TDRD1: variants seen among roughly 807,000 people sequenced by gnomAD.
TDRD1 encodes the protein tudor domain-containing protein 1.
Under a neutral mutation model 140.6 loss-of-function variants are expected in TDRD1, and 37 were observed. That is an observed-to-expected ratio of 0.26 (90% CI 0.20 to 0.35). The LOEUF (loss-of-function observed/expected upper bound fraction) is 0.35, where lower values mean the gene tolerates loss of function less well. TDRD1 is among the 10% of genes least tolerant of loss of function. The pLI is 1.00. For synonymous variants in TDRD1, 506 were observed against 475.7 expected, an observed-to-expected ratio of 1.06 and a Z score of -0.83; for missense variants, 1,243 against 1,393.0, an observed-to-expected ratio of 0.89 and a Z score of 1.71.
intron 2 of TDRD1, among the ~76,000 whole-genome samples, chr10:114,188,661 A>G (rs1479994317): frequency 6.6e-6 from 1 of 152,152 alleles, no homozygotes. Context: ...GTTCGAGACC[A>G]GCTTGGCCAA....
chr10:114,186,766 A>G (rs1165109882), intron 1 of TDRD1, among the ~76,000 whole-genome samples: 1 of 152,096 alleles, frequency 6.6e-6, no homozygotes, highest in Non-Finnish European at 1.5e-5. Flanking sequence ...AGAGTTCCCT[A>G]CTTTCGAGGG....
chr10:114,203,998 A>G, intron 8 of TDRD1, 75 bp from the exon 9 acceptor site: 1 of 1,533,470 alleles, frequency 6.5e-7, no homozygotes, highest in Non-Finnish European at 8.8e-7. Context: ...CGTTCTATAG[A>G]TTGATTGAGG....
At chr10:114,222,631 T>A in exon 21 of TDRD1, 1 of 1,613,430 alleles carries the variant, frequency 6.2e-7, no homozygotes, top group Non-Finnish European at 8.5e-7. Flanking sequence ...ATTATTAGAA[T>A]ACTGCAATGC....
chr10:114,183,997 G>A (rs930816388), intron 1 of TDRD1, among the ~76,000 whole-genome samples: 4 of 152,014 alleles, frequency 2.6e-5, no homozygotes, highest in Admixed American at 2.6e-4. Context: ...TAGATGTAGA[G>A]GTACCAAGTC....
intron 18 of TDRD1, 122 bp from the exon 19 acceptor site, chr10:114,220,446 T>C: frequency 1.5e-6 from 1 of 655,260 alleles, no homozygotes; most frequent in South Asian, 1.9e-5. Context: ...TAATTGAATA[T>C]TGAAGATACT....
chr10:114,226,035 C>A lies in TDRD1; in HGVS notation c.3008-14C>A, dbSNP rs780502969. 6.2e-7 allele frequency: 1 copy of A among 1,611,138 alleles called. No individual in the cohort carries two copies. The highest frequency in any genetic ancestry group is 8.5e-7 in the Non-Finnish European group (1 of 1,177,400). ...GACTGTAAGTTCTTACCTGAGATTTCATTCTGTTTTCAGGTGATGATTTTT... is the reference window on the plus strand; with the variant it reads ...GACTGTAAGTTCTTACCTGAGATTTAATTCTGTTTTCAGGTGATGATTTTT... On this transcript the variant is annotated splice_polypyrimidine_tract_variant and intron_variant, in intron 21 of 25. Coordinates refer to ENST00000251864, the Ensembl canonical transcript of TDRD1.
At chr10:114,230,185 G>A (rs1307839293) in intron 25 of TDRD1, among the ~76,000 whole-genome samples, 1 of 152,132 alleles carries the variant, frequency 6.6e-6, no homozygotes, top group Non-Finnish European at 1.5e-5. Context: ...CTTCTTATCT[G>A]TGTAACAGGC....
At chr10:114,223,789 A>G (rs951192487) in intron 21 of TDRD1, among the ~76,000 whole-genome samples, 1 of 152,148 alleles carries the variant, frequency 6.6e-6, no homozygotes, top group African/African-American at 2.4e-5. Flanking sequence ...AATTATTTCC[A>G]GTGCTCTGCA....
chr10:114,213,536 G>C, exon 15 of TDRD1: 3 of 1,613,796 alleles, frequency 1.9e-6, no homozygotes, highest in Non-Finnish European at 2.5e-6. Context: ...GCTTTGCTGT[G>C]GGAGAACAGA....
chr10:114,177,811 C>T (rs1290780482), upstream of TDRD1, among the ~76,000 whole-genome samples: 3 of 151,382 alleles, frequency 2.0e-5, no homozygotes, highest in Admixed American at 2.0e-4. Flanking sequence ...CTGTACAGCA[C>T]CTTCTTTTCT....
At chr10:114,231,670 T>C in exon 26 of TDRD1, 2 of 555,338 alleles carry the variant, frequency 3.6e-6, no homozygotes, top group African/African-American at 2.0e-5. Context: ...TTGGTGGTTT[T>C]TATTTTCCTC....
chr10:114,214,171 C>T, intron 16 of TDRD1, 57 bp downstream of exon 16: 1 of 1,491,904 alleles, frequency 6.7e-7, no homozygotes, highest in Non-Finnish European at 9.3e-7. Context: ...TAGATAATAA[C>T]TTCACATGAG....
chr10:114,220,458 A>G (rs1177840156), intron 18 of TDRD1, 110 bp from the exon 19 acceptor site: 7 of 700,556 alleles, frequency 1.0e-5, no homozygotes, highest in African/African-American at 5.4e-5. Context: ...GAAGATACTG[A>G]GAATTGCTGA....
At position 114,217,695 on chromosome 10, in the gene TDRD1, A is replaced by G. The variant is rs373979107; in HGVS notation, c.2323+40A>G. 59 of 1,086,376 alleles carry G rather than the reference A, an allele frequency of 5.4e-5. No homozygotes were observed. The East Asian group carries it at 6.6e-4, about 12-fold the overall frequency. 67.3% of individuals were successfully genotyped at this position (1,086,376 alleles called of 1,614,324 possible). On this transcript the variant is annotated intron_variant, in intron 17 of 25. Transcript: ENST00000251864. ...ATGCAATCTTGACTTTTAGAACCTT[A>G]TATTTCTTAACTTAACCTTATTTTT...
intron 14 of TDRD1, among the ~76,000 whole-genome samples, chr10:114,212,505 G>A (rs925660859): frequency 5.9e-5 from 9 of 152,268 alleles, no homozygotes; most frequent in Middle Eastern, 3.4e-3. Flanking sequence ...GCATCAAAGG[G>A]TTGCTTCTAT....
chr10:114,202,261 C>T (rs778284942), exon 6 of TDRD1: 1 of 1,602,548 alleles, frequency 6.2e-7, no homozygotes, highest in Middle Eastern at 1.7e-4. Context: ...GAAAATAAAT[C>T]ATCTATTGAA....
chr10:114,210,411 A>T (rs538345148), intron 11 of TDRD1, among the ~76,000 whole-genome samples, 170 bp from the exon 12 acceptor site: 1 of 152,338 alleles, frequency 6.6e-6, no homozygotes, highest in South Asian at 2.1e-4. Flanking sequence ...TGAGCTTATT[A>T]TAAACATTTA....
intron 3 of TDRD1, 67 bp downstream of exon 3, chr10:114,191,086 T>A (rs2033926914): frequency 6.7e-7 from 1 of 1,493,848 alleles, no homozygotes; most frequent in African/African-American, 1.4e-5. Flanking sequence ...ATTTATTTAA[T>A]AAAGAAGTGT....
chr10:114,232,467 A>G (rs1267805202), downstream of TDRD1, among the ~76,000 whole-genome samples: 1 of 150,880 alleles, frequency 6.6e-6, no homozygotes, highest in Non-Finnish European at 1.5e-5. Flanking sequence ...TATGAAACCT[A>G]AGATGTTTCT....
Sources: gnomAD v4.1 joint callset for allele counts (sites outside exome capture counted in the v4.1 genomes callset) on GRCh38, gnomAD v4.1.1 for gene constraint, MANE v1.5 for transcripts, NCBI Gene and HGNC (gene_info 2026-07-23, HGNC 2026-07-21) for gene names.